TSHR: variants seen among roughly 807,000 people sequenced by gnomAD.
TSHR encodes the protein thyroid stimulating hormone receptor.
Under a neutral mutation model 64.1 loss-of-function variants are expected in TSHR, and 51 were observed. The ratio of observed to expected loss-of-function variants is 0.80; its 90% CI spans 0.64 to 1.01. TSHR has a LOEUF of 1.01. TSHR is among the 50% of genes least tolerant of loss of function. The probability of loss-of-function intolerance (pLI) is 0.00; values close to 1 mark genes in which losing one functional copy is unlikely to be tolerated. For synonymous variants in TSHR, 361 were observed against 361.9 expected (o/e 1.00, Z 0.03); for missense variants, 877 against 942.8 (o/e 0.93, Z 0.91).
chr14:81,090,585 C>T (rs913427995), intron 4 of TSHR, among the ~76,000 whole-genome samples: 7 of 125,952 alleles, frequency 5.6e-5, no homozygotes, highest in African/African-American at 2.4e-4. Flanking sequence ...ATGGTACTCT[C>T]AGGTCACTGC....
Position 81,103,597 on chromosome 14 carries a change from G to A in TSHR, c.615-4778G>A. The A allele has an allele frequency of 1.0e-6, 1 of 985,492 alleles. No homozygotes were observed. The highest frequency in any genetic ancestry group is 6.1e-5 in the Admixed American group (1 of 16,292). 61.0% of individuals were successfully genotyped at this position (985,492 alleles called of 1,614,324 possible). ...GGATTTCATGAAAATGATGGCAGATGTGTAAAAGCACATTGTCCTATGACT... is the reference window on the plus strand; with the variant it reads ...GGATTTCATGAAAATGATGGCAGATATGTAAAAGCACATTGTCCTATGACT... On this transcript the variant is annotated intron_variant, in intron 7 of 9. Coordinates refer to ENST00000298171, the MANE Select transcript of TSHR (RefSeq NM_000369.5). The surrounding 1 kb of genome is among the most constrained non-coding windows in gnomAD (Gnocchi z 4.1).
rs112001889 is a variant in TSHR, at chr14:80,995,966, C to T, written c.170+40116C>T. On this transcript the variant is annotated intron_variant, in intron 1 of 9. Transcript: ENST00000298171. The stretch of plus-strand genomic sequence containing the variant: ...TGCAAATTTTTGATTATGCCATTGT[C>T]GACACTCCTAAACCCCTCCATTGTC... Among the ~76,000 whole-genome samples, 66 of 152,050 alleles carry T rather than the reference C, an allele frequency of 4.3e-4. 2 individuals carry two copies. Among genetic ancestry groups the T allele is most frequent in the African/African-American group, 1.4e-3 (59 of 41,476 alleles).
At chr14:81,074,523 GT>G (rs1887351223) in intron 3 of TSHR, among the ~76,000 whole-genome samples, 1 of 152,134 alleles carries the variant, frequency 6.6e-6, no homozygotes. Flanking sequence ...AGAATGATTT[GT>G]TTAATTTATA....
intron 1 of TSHR, among the ~76,000 whole-genome samples, chr14:80,967,939 G>A (rs2139697328): frequency 6.6e-6 from 1 of 152,288 alleles, no homozygotes; most frequent in South Asian, 2.1e-4. Context: ...GAGACCACCT[G>A]AGAATTCAGA....
In TSHR at chr14:81,143,174, C is replaced by A. The variant is rs767633836; in HGVS notation, c.1116C>A (p.Asn372Lys). 1.2e-6 allele frequency: 2 copies of A among 1,614,108 alleles called. No individual in the cohort carries two copies. Among genetic ancestry groups the A allele is most frequent in the South Asian group, 2.2e-5 (2 of 91,082 alleles). Residue 372 changes from asparagine (N) to lysine (K), a missense_variant, in exon 10 of 10, where the codon AAC becomes AAA. Physicochemically the swap from Asn to Lys is moderately conservative, Grantham distance 94 (BLOSUM62 0). Coordinates refer to ENST00000298171, the MANE Select transcript of TSHR (RefSeq NM_000369.5). ...TTGGTTTTGGCCAGGAGCTCAAAAA[C>A]CCCCAGGAAGAGACTCTACAAGCTT... Reference protein sequence around the residue: ...EIIGFGQELKNPQEETLQAFD... With the variant: ...EIIGFGQELKKPQEETLQAFD...
chr14:81,144,554 G>A lies in TSHR; in HGVS notation c.*201G>A. On this transcript the variant is annotated 3_prime_UTR_variant, in exon 10 of 10. Transcript: ENST00000298171. ...ATCATTGCCCCCAAGAAGGAAGTTA[G>A]GCTACCAGCATATTTGAATGCCAGG... The A allele has an allele frequency of 1.6e-6, 1 of 617,232 alleles. No individual in the cohort carries two copies. The allele number at this position is 617,232 out of a possible 1,614,324, so 38.2% of individuals were successfully genotyped here.
intron 1 of TSHR, among the ~76,000 whole-genome samples, chr14:81,022,638 T>C (rs1298274739): frequency 6.6e-6 from 1 of 151,768 alleles, no homozygotes; most frequent in Non-Finnish European, 1.5e-5. Context: ...CTGGCCAACA[T>C]GGTGAAACCC....
intron 3 of TSHR, among the ~76,000 whole-genome samples, chr14:81,072,180 C>A (rs998361405): frequency 6.6e-6 from 1 of 152,132 alleles, no homozygotes; most frequent in African/African-American, 2.4e-5. Flanking sequence ...AGTTAATATA[C>A]TATGGTAACT....
At chr14:80,969,610 T>C (rs538687023) in intron 1 of TSHR, among the ~76,000 whole-genome samples, 1 of 152,216 alleles carries the variant, frequency 6.6e-6, no homozygotes, top group Non-Finnish European at 1.5e-5. Flanking sequence ...TTAGACTTGA[T>C]GAAAAGGAGC....
intron 1 of TSHR, among the ~76,000 whole-genome samples, chr14:81,027,229 T>C (rs1354061514): frequency 6.6e-6 from 1 of 152,048 alleles, no homozygotes; most frequent in Non-Finnish European, 1.5e-5. Flanking sequence ...TGGATTTTTA[T>C]TAGAAATTAT....
intron 8 of TSHR, among the ~76,000 whole-genome samples, chr14:81,110,064 G>A (rs1469919080): frequency 1.3e-5 from 2 of 152,108 alleles, no homozygotes; most frequent in South Asian, 2.1e-4. Context: ...CAGGTATTTG[G>A]AAATATTCAC....
intron 1 of TSHR, among the ~76,000 whole-genome samples, chr14:80,979,026 C>T (rs952552256): frequency 6.6e-6 from 1 of 152,206 alleles, no homozygotes; most frequent in Admixed American, 6.5e-5. Flanking sequence ...CATACAGTGT[C>T]CTTATATTTA....
rs950764544 is a variant in TSHR, at chr14:81,084,975, T to C, written c.318-2979T>C. On this transcript the variant is annotated intron_variant, in intron 3 of 9. Coordinates refer to ENST00000298171, the MANE Select transcript of TSHR (RefSeq NM_000369.5). The stretch of plus-strand genomic sequence containing the variant: ...CCTCTCTATTTAATGATTGATTGAT[T>C]GATTGAGACAGAGTCTTGCTTTTTC... Among the ~76,000 whole-genome samples the C allele has an allele frequency of 2.6e-5, 4 of 152,198 alleles. 1 individual carries two copies. The South Asian group carries it at 8.3e-4, about 32-fold the overall frequency.
rs578022643 is a variant in TSHR, at chr14:81,021,358, C to A, written c.171-40790C>A. Among the ~76,000 whole-genome samples, 4 of 152,226 alleles carry A rather than the reference C, an allele frequency of 2.6e-5. No individual in the cohort carries two copies. In the South Asian group the frequency reaches 8.3e-4, roughly 32 times the overall value. ...TTACTATTCCACTGAAAAGCTCATC[C>A]CACCATCTTACACTGGTTAGATGTT... On this transcript the variant is annotated intron_variant, in intron 1 of 9. Transcript: ENST00000298171.
At chr14:81,030,569 T>C (rs941556021) in intron 1 of TSHR, among the ~76,000 whole-genome samples, 10 of 152,302 alleles carry the variant, frequency 6.6e-5, no homozygotes, top group African/African-American at 2.4e-4. Flanking sequence ...GGGAAATAAA[T>C]GCTAATTAAA....
intron 3 of TSHR, among the ~76,000 whole-genome samples, chr14:81,073,709 C>A (rs1188962532): frequency 1.3e-5 from 2 of 151,972 alleles, no homozygotes; most frequent in African/African-American, 2.4e-5. Context: ...AGCCTTAAGA[C>A]AACATATATT....
intron 7 of TSHR, among the ~76,000 whole-genome samples, chr14:81,107,806 C>T (rs12884734): frequency 0.58 from 87,628 of 151,424 alleles, 26,203 homozygotes; most frequent in South Asian, 0.72. Context: ...AATTGCATGG[C>T]AAATATTTTT....
intron 1 of TSHR, among the ~76,000 whole-genome samples, chr14:80,984,110 T>C (rs1156865404): frequency 6.6e-6 from 1 of 152,130 alleles, no homozygotes; most frequent in Non-Finnish European, 1.5e-5. Flanking sequence ...CATGACCAAA[T>C]GTGCACTCTC....
At chr14:81,045,078 T>C (rs557373489) in intron 1 of TSHR, among the ~76,000 whole-genome samples, 1 of 152,156 alleles carries the variant, frequency 6.6e-6, no homozygotes, top group Non-Finnish European at 1.5e-5. Flanking sequence ...TAAAAAGGAA[T>C]GAGATCATGT....
Sources: allele counts gnomAD v4.1 joint callset (sites outside exome capture counted in the v4.1 genomes callset), GRCh38; gene constraint gnomAD v4.1.1; non-coding constraint Gnocchi (gnomAD v3.1); transcripts MANE v1.5; gene names NCBI Gene and HGNC (gene_info 2026-07-23, HGNC 2026-07-21).